The following RBX1 variants were observed in gnomAD, a reference collection of about 807,000 sequenced individuals.
RBX1 encodes the protein E3 ubiquitin-protein ligase RBX1.
For synonymous variants in RBX1, 48 were observed against 47.9 expected, an observed-to-expected ratio of 1.00 and a Z score of -0.01; for missense variants, 46 against 141.4, an observed-to-expected ratio of 0.33 and a Z score of 3.42.
chr22:40,963,202 C>G (rs1337922335), intron 2 of RBX1, among the ~76,000 whole-genome samples: 4 of 152,094 alleles, frequency 2.6e-5, no homozygotes, highest in Non-Finnish European at 4.4e-5. Context: ...AATAGTTTCT[C>G]CTGAAGCTTT....
Position 40,972,831 on chromosome 22 carries a change from CAG to C in RBX1, c.*346_*347del, listed in dbSNP as rs2058372803. On this transcript the variant is annotated 3_prime_UTR_variant, in exon 5 of 5. Coordinates refer to ENST00000216225, the MANE Select transcript of RBX1 (RefSeq NM_014248.4). ...TGACGAGGAATCCAACAGCTCAAGG[CAG>C]AGTGTGGATCACCGGCTCCCGAAAA... The C allele has an allele frequency of 5.0e-6, 1 of 198,604 alleles. No homozygotes were observed. Among genetic ancestry groups the C allele is most frequent in the African/African-American group, 2.3e-5 (1 of 43,172 alleles). The allele number at this position is 198,604 out of a possible 1,614,324, so 12.3% of individuals were successfully genotyped here. A position where few individuals can be genotyped will look rare whatever the true frequency, so the allele number is the denominator to read the frequency against.
In RBX1 at chr22:40,967,693, C is replaced by T. The variant is rs556584226; in HGVS notation, c.229-106C>T. On this transcript the variant is annotated intron_variant, in intron 3 of 4. Coordinates refer to ENST00000216225, the MANE Select transcript of RBX1 (RefSeq NM_014248.4). ...GCCTCTCGTTGTCTTCTTTTCTTTT[C>T]TTGCCCACTATATGTCACCCATGCC... 2.8e-4 allele frequency: 212 copies of T among 759,538 alleles called. 1 individual carries two copies. Among genetic ancestry groups the T allele is most frequent in the Non-Finnish European group, 4.0e-4 (190 of 469,150 alleles). 47.0% of individuals were successfully genotyped at this position (759,538 alleles called of 1,614,324 possible). A position where few individuals can be genotyped will look rare whatever the true frequency, so the allele number is the denominator to read the frequency against.
rs2058347764 is a variant in RBX1 at position 40,964,036 on chromosome 22, T to C, written c.158-11T>C. 2 of 1,612,176 alleles carry C rather than the reference T, an allele frequency of 1.2e-6. No individual in the cohort carries two copies. The highest frequency in any genetic ancestry group is 4.5e-5 in the East Asian group (2 of 44,882). On this transcript the variant is annotated splice_polypyrimidine_tract_variant and intron_variant, in intron 2 of 4. Transcript: ENST00000216225. ...CAAGGTCCAGTGATCCTGTTGCTCT[T>C]GTTCCCACAGGCATAGAATGTCAAG...
At chr22:40,972,318 A>G (rs539046840) in intron 4 of RBX1, among the ~76,000 whole-genome samples, 158 bp from the exon 5 acceptor site, 1 of 152,356 alleles carries the variant, frequency 6.6e-6, no homozygotes, top group African/African-American at 2.4e-5. Context: ...GGGGAATCAC[A>G]GCGACAGCCA....
At chr22:40,965,713 A>C (rs2058352566) in intron 3 of RBX1, among the ~76,000 whole-genome samples, 1 of 152,120 alleles carries the variant, frequency 6.6e-6, no homozygotes, top group Admixed American at 6.6e-5. Flanking sequence ...AAGTGCTGGG[A>C]TTACAGGCGT....
intron 4 of RBX1, among the ~76,000 whole-genome samples, chr22:40,971,899 C>T (rs2058370133): frequency 6.6e-6 from 1 of 152,088 alleles, no homozygotes; most frequent in South Asian, 2.1e-4. Flanking sequence ...ATTTTGGTTT[C>T]TGGGGAAAAC....
At chr22:40,971,557 T>TTA (rs1313807817) in intron 4 of RBX1, among the ~76,000 whole-genome samples, 4 of 152,078 alleles carry the variant, frequency 2.6e-5, no homozygotes, top group Non-Finnish European at 4.4e-5. Flanking sequence ...TTATTTTTAT[T>TTA]TATATATATA....
At chr22:40,965,449 T>G (rs971427724) in intron 3 of RBX1, among the ~76,000 whole-genome samples, 9 of 148,422 alleles carry the variant, frequency 6.1e-5, no homozygotes, top group Middle Eastern at 6.5e-3. Flanking sequence ...TTGTTTTTTG[T>G]TTTTTTTTTG....
At chr22:40,961,448 C>G (rs1395170574) in intron 2 of RBX1, among the ~76,000 whole-genome samples, 1 of 152,000 alleles carries the variant, frequency 6.6e-6, no homozygotes, top group Non-Finnish European at 1.5e-5. Flanking sequence ...GAGTCTCGCT[C>G]TGTTACCCAG....
At chr22:40,971,197 GC>G (rs1691563700) in intron 4 of RBX1, among the ~76,000 whole-genome samples, 1 of 152,152 alleles carries the variant, frequency 6.6e-6, no homozygotes, top group Admixed American at 6.6e-5. Context: ...CTTATCTGGG[GC>G]TTTGACTCTG....
At chr22:40,963,196 G>A (rs1377893299) in intron 2 of RBX1, among the ~76,000 whole-genome samples, 36 of 152,034 alleles carry the variant, frequency 2.4e-4, no homozygotes, top group Admixed American at 2.4e-3. Context: ...CTATTAAATA[G>A]TTTCTCCTGA....
intron 3 of RBX1, among the ~76,000 whole-genome samples, chr22:40,964,644 A>G (rs1165526801): frequency 1.3e-5 from 2 of 152,208 alleles, no homozygotes; most frequent in African/African-American, 4.8e-5. Context: ...GACAGCTGTG[A>G]AGGATAACAA....
At chr22:40,951,503 G>C in intron 1 of RBX1, 27 bp downstream of exon 1, 1 of 1,608,132 alleles carries the variant, frequency 6.2e-7, no homozygotes. Flanking sequence ...GCCTTCCTCA[G>C]GGAAGCTAGA....
At chr22:40,967,477 G>A (rs963365692) in intron 3 of RBX1, 27 of 181,456 alleles carry the variant, frequency 1.5e-4, no homozygotes, top group African/African-American at 5.9e-4. Context: ...GAAAGTGGAA[G>A]TATCCCCTTA....
At chr22:40,966,758 T>C (rs958464366) in intron 3 of RBX1, 1 of 152,206 alleles carries the variant, frequency 6.6e-6, no homozygotes, top group African/African-American at 2.4e-5. Context: ...TCAGTTGTTA[T>C]TAAATGAAGC....
intron 4 of RBX1, 87 bp downstream of exon 4, chr22:40,967,971 A>T: frequency 1.2e-6 from 1 of 850,292 alleles, no homozygotes; most frequent in African/African-American, 1.7e-5. Flanking sequence ...GACATGATAC[A>T]TGCCTTGTTT....
At chr22:40,954,179 G>A (rs2058318784) in intron 2 of RBX1, among the ~76,000 whole-genome samples, 1 of 151,446 alleles carries the variant, frequency 6.6e-6, no homozygotes, top group African/African-American at 2.4e-5. Flanking sequence ...TGAGGCAGGA[G>A]AATTGCTTGA....
rs907357290 is a variant in RBX1, at chr22:40,972,810, G to A, written c.*322G>A. On this transcript the variant is annotated 3_prime_UTR_variant, in exon 5 of 5. Coordinates refer to ENST00000216225, the MANE Select transcript of RBX1 (RefSeq NM_014248.4). ...TCCTCTGAGCGCATCACTTAGTGAC[G>A]AGGAATCCAACAGCTCAAGGCAGAG... The A allele has an allele frequency of 3.9e-5, 9 of 232,368 alleles. No homozygotes were observed. Among genetic ancestry groups the A allele is most frequent in the Admixed American group, 2.6e-4 (5 of 19,194 alleles). 14.4% of individuals were successfully genotyped at this position (232,368 alleles called of 1,614,324 possible).
intron 2 of RBX1, among the ~76,000 whole-genome samples, chr22:40,962,964 G>A (rs1449514537): frequency 1.3e-5 from 2 of 150,928 alleles, no homozygotes; most frequent in Non-Finnish European, 2.9e-5. Context: ...CCAAAGTGCT[G>A]AGATTACAGG....
Sources: gnomAD v4.1 joint callset for allele counts (sites outside exome capture counted in the v4.1 genomes callset) on GRCh38, gnomAD v4.1.1 for gene constraint, MANE v1.5 for transcripts, NCBI Gene and HGNC (gene_info 2026-07-23, HGNC 2026-07-21) for gene names.